The following ZNF503 variants were observed in gnomAD, a reference collection of about 807,000 sequenced individuals.
ZNF503 encodes NocA-like zinc finger 2.
A neutral mutation model predicts 34.4 loss-of-function variants in ZNF503; 15 were observed. The observed-to-expected ratio is 0.44, with a 90% CI of 0.29 to 0.67. The LOEUF (loss-of-function observed/expected upper bound fraction) is 0.67. ZNF503 is among the 30% of genes least tolerant of loss of function. The probability of loss-of-function intolerance (pLI) is 0.13; values close to 1 mark genes in which losing one functional copy is unlikely to be tolerated. For missense variants in ZNF503, 1,007 were observed against 926.8 expected (o/e 1.09, Z -1.12); for synonymous variants, 580 against 456.8 (o/e 1.27, Z -3.44).
the ZNF503 span, among the ~76,000 whole-genome samples, chr10:75,388,727 A>T: frequency 6.6e-6 from 1 of 152,196 alleles, no homozygotes; most frequent in Non-Finnish European, 1.5e-5. Flanking sequence ...ACTGGGCTGT[A>T]GTGGGTTGAC....
the ZNF503 span, among the ~76,000 whole-genome samples, chr10:75,359,334 A>G: frequency 1.6e-4 from 24 of 152,336 alleles, no homozygotes; most frequent in East Asian, 4.6e-3. Context: ...TTCCTGAGTG[A>G]CTGTAATGCA....
Position 75,398,928 on chromosome 10 carries a change from C to T in ZNF503, c.1762G>A (p.Ala588Thr). The T allele has an allele frequency of 6.3e-7, 1 of 1,586,508 alleles. No homozygotes were observed. Among genetic ancestry groups the T allele is most frequent in the Non-Finnish European group, 8.5e-7 (1 of 1,169,648 alleles). The change falls in exon 2 of 2, where the codon GCG (alanine) becomes ACG (threonine). Residue 588 changes from alanine (A) to threonine (T), a missense_variant. Ala to Thr is a moderately conservative substitution (Grantham distance 58). Coordinates refer to ENST00000372524, the MANE Select transcript of ZNF503 (RefSeq NM_032772.6). ...SGAPGSPGTLALRSPHHALGL... is the reference protein window; with the variant it reads ...SGAPGSPGTLTLRSPHHALGL... ...AGCGCGTGGTGGGGGCTGCGCAGCGCCAGCGTCCCAGGGCTGCCCGGTGCG... is the reference window on the plus strand; with the variant it reads ...AGCGCGTGGTGGGGGCTGCGCAGCGTCAGCGTCCCAGGGCTGCCCGGTGCG...
the ZNF503 span, among the ~76,000 whole-genome samples, chr10:75,326,047 G>C: frequency 2.9e-4 from 44 of 152,036 alleles, no homozygotes; most frequent in Non-Finnish European, 5.1e-4. Context: ...TATTAGGTTG[G>C]TGCAAAAGCG....
rs1045042390 is a variant in ZNF503 at position 75,398,745 on chromosome 10, G to T, written c.*4C>A. Reference sequence around the variant, plus strand: ...CTCTCCCTCGCTCGCCCTCCCGGCCGCCCTCACTGATACCCCAGCGCCGAG... The same window carrying T: ...CTCTCCCTCGCTCGCCCTCCCGGCCTCCCTCACTGATACCCCAGCGCCGAG... On this transcript the variant is annotated 3_prime_UTR_variant, in exon 2 of 2. Coordinates refer to ENST00000372524, the MANE Select transcript of ZNF503 (RefSeq NM_032772.6). 1 of 1,368,838 alleles carries T rather than the reference G, an allele frequency of 7.3e-7. No homozygotes were observed. 84.8% of individuals were successfully genotyped at this position (1,368,838 alleles called of 1,614,324 possible).
the ZNF503 span, among the ~76,000 whole-genome samples, chr10:75,319,073 C>T: frequency 6.6e-6 from 1 of 152,120 alleles, no homozygotes. Flanking sequence ...AATCCTCCCA[C>T]CTCACCTTCC....
At position 75,401,392 on chromosome 10, in the gene ZNF503, G is replaced by A. The variant is rs1263523279; in HGVS notation, c.28C>T (p.Leu10=). 69 of 1,538,834 alleles carry A rather than the reference G, an allele frequency of 4.5e-5. 1 individual carries two copies. The highest frequency in any genetic ancestry group is 5.4e-5 in the Non-Finnish European group (62 of 1,146,230). ...CCGCCGCTGTGCTTACTGCTTCTTA[G>A]GGCAGAAAGCGAGGGCGCTGTGCTC... MSTAPSLSA[L]RSSKHSGGGG... The change falls in exon 1 of 2, where the codon CTA becomes TTA. Residue 10 remains leucine (L), a synonymous_variant. Transcript: ENST00000372524.
chr10:75,366,831 G>A, the ZNF503 span, among the ~76,000 whole-genome samples: 1 of 152,234 alleles, frequency 6.6e-6, no homozygotes, highest in Non-Finnish European at 1.5e-5. Context: ...TCCCGCGGGT[G>A]AGATAACTCT....
chr10:75,360,637 C>T, the ZNF503 span: 1 of 152,260 alleles, frequency 6.6e-6, no homozygotes, highest in Non-Finnish European at 1.5e-5. Flanking sequence ...TTGGCCCATT[C>T]TCTAGACTTT....
the ZNF503 span, among the ~76,000 whole-genome samples, chr10:75,360,121 T>TC: frequency 2.2e-5 from 3 of 137,120 alleles, no homozygotes; most frequent in South Asian, 4.8e-4. Flanking sequence ...TTTCTTTTTT[T>TC]TTTTTTTTTT....
Position 75,399,732 on chromosome 10 carries a change from CGGAGCT to C in ZNF503, c.952_957del (p.Ser318_Ser319del), listed in dbSNP as rs777771412. 54 of 1,595,356 alleles carry C rather than the reference CGGAGCT, an allele frequency of 3.4e-5. No homozygotes were observed. The highest frequency in any genetic ancestry group is 1.7e-4 in the Middle Eastern group (1 of 6,016). ...GAGGTGGGCGCGCTGGGGCCGGAGC[CGGAGCT>C]GGAGCCCGATGAACCGCCGCAGTCC... On this transcript the variant is annotated inframe_deletion, in exon 2 of 2. Transcript: ENST00000372524.
chr10:75,285,975 G>C, the ZNF503 span, among the ~76,000 whole-genome samples: 1 of 152,120 alleles, frequency 6.6e-6, no homozygotes, highest in Non-Finnish European at 1.5e-5. Context: ...AATAGGTATA[G>C]AACTATTTTC....
At position 75,399,766 on chromosome 10, in the gene ZNF503, G is replaced by A. The variant is rs1015501624; in HGVS notation, c.924C>T (p.Gly308=). Residue 308 remains glycine, a synonymous_variant, in exon 2 of 2, where the codon GGC becomes GGT. Transcript: ENST00000372524. ...PDGGPGGKAL[G]SDCGGSSGSS... ...AGCCCGATGAACCGCCGCAGTCCGA[G>A]CCCAGAGCCTTGCCTCCCGGGCCCC... 1.1e-5 allele frequency: 17 copies of A among 1,593,134 alleles called. No individual in the cohort carries two copies. The highest frequency in any genetic ancestry group is 1.4e-5 in the Non-Finnish European group (17 of 1,173,718).
chr10:75,308,874 C>G, the ZNF503 span, among the ~76,000 whole-genome samples: 1 of 152,134 alleles, frequency 6.6e-6, no homozygotes, highest in Non-Finnish European at 1.5e-5. Context: ...GGGGGTCTCA[C>G]TCCGTCACCC....
downstream of ZNF503, among the ~76,000 whole-genome samples, chr10:75,393,005 T>G (rs149170255): frequency 6.6e-6 from 1 of 152,246 alleles, no homozygotes; most frequent in African/African-American, 2.4e-5. Context: ...TAGGTTAGAC[T>G]GAACCTAAAT....
At chr10:75,301,484 A>G in the ZNF503 span, among the ~76,000 whole-genome samples, 6 of 151,904 alleles carry the variant, frequency 3.9e-5, no homozygotes, top group Non-Finnish European at 8.8e-5. Flanking sequence ...CAGGCAATCC[A>G]CCCACCTTGG....
chr10:75,319,024 A>G, the ZNF503 span, among the ~76,000 whole-genome samples: 1 of 151,676 alleles, frequency 6.6e-6, no homozygotes, highest in Non-Finnish European at 1.5e-5. Flanking sequence ...CAGCGATGCA[A>G]TCACGGCTTA....
the ZNF503 span, among the ~76,000 whole-genome samples, chr10:75,297,079 G>C: frequency 7.0e-4 from 106 of 152,106 alleles, 1 homozygote; most frequent in African/African-American, 2.4e-3. Flanking sequence ...GCCTTCTTAG[G>C]ATCCCCAAGA....
At chr10:75,371,874 C>T in the ZNF503 span, among the ~76,000 whole-genome samples, 649 of 152,318 alleles carry the variant, frequency 4.3e-3, 1 homozygote, top group Non-Finnish European at 7.0e-3. Flanking sequence ...CCACTGTCTG[C>T]TCAACATGCC....
the ZNF503 span, among the ~76,000 whole-genome samples, chr10:75,321,525 G>A: frequency 6.6e-6 from 1 of 152,330 alleles, no homozygotes; most frequent in African/African-American, 2.4e-5. Flanking sequence ...GCAGAATGCT[G>A]TTAGTGCTAT....
Sources: allele counts gnomAD v4.1 joint callset (sites outside exome capture counted in the v4.1 genomes callset), GRCh38; gene constraint gnomAD v4.1.1; transcripts MANE v1.5; gene names NCBI Gene and HGNC (gene_info 2026-07-23, HGNC 2026-07-21).